Variants in NEGR1 observed in about 807,000 individuals in gnomAD.
NEGR1 encodes the protein neuronal growth regulator 1.
In NEGR1, 10 loss-of-function variants were observed where a neutral mutation model predicts 40.9. The ratio of observed to expected loss-of-function variants is 0.24; its 90% CI spans 0.15 to 0.42. The LOEUF is 0.42. Among genes scored for constraint, NEGR1 ranks in the 10% least tolerant of loss-of-function variants. The pLI is 1.00. For synonymous variants in NEGR1, 185 were observed against 166.8 expected (o/e 1.11, Z -0.84); for missense variants, 352 against 438.9 (o/e 0.80, Z 1.77).
intron 6 of NEGR1, among the ~76,000 whole-genome samples, chr1:71,423,777 C>G (rs1646411956): frequency 6.6e-6 from 1 of 151,064 alleles, no homozygotes; most frequent in Non-Finnish European, 1.5e-5. Flanking sequence ...TTAATCTCTT[C>G]ATTTAATTCT....
At chr1:71,520,833 T>A (rs1647152260) in intron 6 of NEGR1, among the ~76,000 whole-genome samples, 1 of 151,974 alleles carries the variant, frequency 6.6e-6, no homozygotes, top group African/African-American at 2.4e-5. Context: ...GGAAGGTGAT[T>A]TCACATATGA....
intron 6 of NEGR1, among the ~76,000 whole-genome samples, chr1:71,467,277 A>C (rs896296582): frequency 1.3e-5 from 2 of 152,052 alleles, no homozygotes; most frequent in Admixed American, 1.3e-4. Context: ...GATGTGAGAG[A>C]AATGTGCCTG....
intron 4 of NEGR1, among the ~76,000 whole-genome samples, chr1:71,638,225 C>T (rs930862746): frequency 3.9e-5 from 6 of 152,004 alleles, no homozygotes; most frequent in African/African-American, 9.7e-5. Context: ...TTTGAAGCCC[C>T]GTGACATCCT....
At chr1:71,612,495 G>A (rs1481853814) in intron 4 of NEGR1, among the ~76,000 whole-genome samples, 2 of 152,034 alleles carry the variant, frequency 1.3e-5, no homozygotes, top group Non-Finnish European at 1.5e-5. Context: ...TTGCCCTGAC[G>A]TGATGAAGCT....
chr1:71,691,257 C>A (rs1309164582), intron 4 of NEGR1, among the ~76,000 whole-genome samples: 1 of 151,786 alleles, frequency 6.6e-6, no homozygotes, highest in Non-Finnish European at 1.5e-5. Context: ...ATTACTTCAA[C>A]TGAGGGATTA....
At chr1:72,197,261 T>A (rs1009235785) in intron 1 of NEGR1, among the ~76,000 whole-genome samples, 1 of 152,032 alleles carries the variant, frequency 6.6e-6, no homozygotes, top group African/African-American at 2.4e-5. Context: ...TTCTTTAGTA[T>A]TTAAAAATGA....
rs911017035 is a variant in NEGR1 at position 71,528,090 on chromosome 1, C to T, written c.940+64727G>A. ...ATTTTTGCTGAAATCATCTGGCATA[C>T]ATGGAAGACCTGCTAAATACTAAGC... is the stretch of plus-strand genomic sequence containing the variant. On this transcript the variant is annotated intron_variant, in intron 6 of 6. Transcript: ENST00000357731. Among the ~76,000 whole-genome samples the T allele has an allele frequency of 1.1e-4, 17 of 151,288 alleles. No individual in the cohort carries two copies. The Admixed American group carries it at 1.1e-3, about 10-fold the overall frequency.
At chr1:72,054,372 G>A (rs1035405039) in intron 1 of NEGR1, among the ~76,000 whole-genome samples, 1 of 151,086 alleles carries the variant, frequency 6.6e-6, no homozygotes, top group African/African-American at 2.4e-5. Flanking sequence ...TGACTTTTTA[G>A]AACTATTTTC....
At chr1:71,894,438 C>T (rs963207413) in intron 2 of NEGR1, among the ~76,000 whole-genome samples, 2 of 152,132 alleles carry the variant, frequency 1.3e-5, no homozygotes, top group African/African-American at 4.8e-5. Flanking sequence ...ATTTATTCAG[C>T]AGTTACTAGG....
intron 2 of NEGR1, among the ~76,000 whole-genome samples, chr1:71,898,629 C>T (rs1223415876): frequency 6.7e-6 from 1 of 150,308 alleles, no homozygotes; most frequent in African/African-American, 2.4e-5. Flanking sequence ...AACAAAGAAA[C>T]AAAAGAAACA....
At chr1:71,727,938 C>G (rs917534697) in intron 3 of NEGR1, among the ~76,000 whole-genome samples, 1 of 152,058 alleles carries the variant, frequency 6.6e-6, no homozygotes, top group South Asian at 2.1e-4. Flanking sequence ...ACTGGAGAGG[C>G]TGGGATTAGA....
At position 71,607,066 on chromosome 1, in the gene NEGR1, A is replaced by C. The variant is rs1243009933; in HGVS notation, c.788+3960T>G. On this transcript the variant is annotated intron_variant, in intron 5 of 6. Transcript: ENST00000357731. ...TCGTATAAGTTATTTCTGATTATTT[A>C]TGTGAGCCTCAAATCAAAAAAGGTC... Among the ~76,000 whole-genome samples, 5 of 152,202 alleles carry C rather than the reference A, an allele frequency of 3.3e-5. No homozygotes were observed. In the South Asian group the frequency reaches 6.2e-4, roughly 19 times the overall value.
intron 1 of NEGR1, among the ~76,000 whole-genome samples, chr1:72,186,928 A>G (rs567666448): frequency 1.1e-4 from 16 of 151,724 alleles, no homozygotes; most frequent in African/African-American, 3.4e-4. Flanking sequence ...AGTGATATCC[A>G]TATTGTTACT....
chr1:71,953,670 T>C (rs1646092883), intron 1 of NEGR1, among the ~76,000 whole-genome samples: 1 of 151,942 alleles, frequency 6.6e-6, no homozygotes. Context: ...AACTTCATTG[T>C]TGTCATATTT....
intron 6 of NEGR1, among the ~76,000 whole-genome samples, chr1:71,449,991 GAT>G (rs891609999): frequency 1.4e-5 from 2 of 140,818 alleles, no homozygotes; most frequent in African/African-American, 2.9e-5. Context: ...ATTTTATATA[GAT>G]TTTTTTTTTT....
intron 1 of NEGR1, among the ~76,000 whole-genome samples, chr1:72,138,026 T>G (rs1253264891): frequency 6.6e-6 from 1 of 151,930 alleles, no homozygotes; most frequent in Non-Finnish European, 1.5e-5. Flanking sequence ...AATTCACCAC[T>G]GGCAGACTCA....
intron 4 of NEGR1, among the ~76,000 whole-genome samples, chr1:71,630,443 G>T (rs576336386): frequency 3.0e-4 from 45 of 151,926 alleles, no homozygotes; most frequent in African/African-American, 1.0e-3. Flanking sequence ...GTAGAAGGAG[G>T]TATAACTATA....
intron 2 of NEGR1, among the ~76,000 whole-genome samples, chr1:71,932,690 T>C (rs1481308363): frequency 6.6e-6 from 1 of 152,144 alleles, no homozygotes; most frequent in Non-Finnish European, 1.5e-5. Flanking sequence ...CAGTGATTAA[T>C]ACAGTCTTCC....
chr1:71,949,102 T>G (rs779714627), intron 1 of NEGR1, among the ~76,000 whole-genome samples: 10 of 152,186 alleles, frequency 6.6e-5, no homozygotes, highest in Non-Finnish European at 1.2e-4. Context: ...TTCCTGTGAC[T>G]TCTAGCCTGA....
Sources: gnomAD v4.1 joint callset for allele counts (sites outside exome capture counted in the v4.1 genomes callset) on GRCh38, gnomAD v4.1.1 for gene constraint, MANE v1.5 for transcripts, NCBI Gene and HGNC (gene_info 2026-07-23, HGNC 2026-07-21) for gene names.